The following AKR1C2 variants were observed in gnomAD, a reference collection of about 807,000 sequenced individuals.
The protein encoded by AKR1C2 is 3-alpha-HSD3.
AKR1C2 carries 27 observed loss-of-function variants against 39.8 expected under a neutral mutation model. That is an observed-to-expected ratio of 0.68 (90% CI 0.50 to 0.93). The LOEUF is 0.93. AKR1C2 is among the 40% of genes least tolerant of loss of function. The pLI is 0.00. For synonymous variants in AKR1C2, 114 were observed against 137.9 expected (o/e 0.83, Z 1.22); for missense variants, 263 against 365.1 (o/e 0.72, Z 2.28).
chr10:4,991,256 A>AT (rs1836832404), intron 8 of AKR1C2, among the ~76,000 whole-genome samples: 1 of 151,576 alleles, frequency 6.6e-6, no homozygotes, highest in Non-Finnish European at 1.5e-5. Context: ...ACTAAGACAG[A>AT]CTTTCTGGAG....
At chr10:5,005,801 A>G (rs72769993), upstream of AKR1C2, among the ~76,000 whole-genome samples, 1 of 152,250 alleles carries the variant, frequency 6.6e-6, no homozygotes, top group Non-Finnish European at 1.5e-5. Flanking sequence ...GTAGAGAAGC[A>G]TTTAAACAGC....
chr10:5,013,007 A>G (rs1216755567), intron 1 of AKR1C2, among the ~76,000 whole-genome samples: 12 of 152,184 alleles, frequency 7.9e-5, no homozygotes, highest in African/African-American at 2.9e-4. Context: ...CCTACACTTG[A>G]ATGAACCTCT....
chr10:4,988,595 G>A lies in AKR1C2; in HGVS notation c.*1401C>T, dbSNP rs1423963153. 1 of 152,136 alleles carries A rather than the reference G, an allele frequency of 6.6e-6. No individual in the cohort carries two copies. The highest frequency in any genetic ancestry group is 2.4e-5 in the African/African-American group (1 of 41,418). The allele number at this position is 152,136 out of a possible 1,614,324, so 9.4% of individuals were successfully genotyped here. ...AATAAGTAATTTACAGAAAAATTGT[G>A]AGCTGCAAAACTTGCTGGGATGCCT... is the stretch of plus-strand genomic sequence containing the variant. On this transcript the variant is annotated 3_prime_UTR_variant, in exon 9 of 9. Transcript: ENST00000380753.
At chr10:5,012,565 C>A (rs1837545271) in intron 1 of AKR1C2, among the ~76,000 whole-genome samples, 1 of 151,332 alleles carries the variant, frequency 6.6e-6, no homozygotes, top group Non-Finnish European at 1.5e-5. Flanking sequence ...GTGCCATGAG[C>A]CAAGGAACAC....
chr10:5,016,848 G>A (rs1837650946), intron 1 of AKR1C2, among the ~76,000 whole-genome samples: 1 of 152,186 alleles, frequency 6.6e-6, no homozygotes, highest in Admixed American at 6.5e-5. Flanking sequence ...CTGAAATCTA[G>A]GCAGAGGCCC....
rs1264996470 is a variant in AKR1C2 at position 4,988,551 on chromosome 10, G to A, written c.*1445C>T. On this transcript the variant is annotated 3_prime_UTR_variant, in exon 9 of 9. Coordinates refer to ENST00000380753, the MANE Select transcript of AKR1C2 (RefSeq NM_001393392.1). ...GGTCTAGGGCCCTCCAAAGTTTATGGCCTCTTCCAATTTTATAGAATAAGT... is the reference window on the plus strand; with the variant it reads ...GGTCTAGGGCCCTCCAAAGTTTATGACCTCTTCCAATTTTATAGAATAAGT... 2.0e-5 allele frequency: 3 copies of A among 152,146 alleles called. No homozygotes were observed. Among genetic ancestry groups the A allele is most frequent in the African/African-American group, 7.2e-5 (3 of 41,420 alleles). 9.4% of individuals were successfully genotyped at this position (152,146 alleles called of 1,614,324 possible).
intron 2 of AKR1C2, among the ~76,000 whole-genome samples, chr10:5,001,270 A>G (rs1476837224): frequency 1.3e-5 from 2 of 152,236 alleles, no homozygotes; most frequent in Non-Finnish European, 2.9e-5. Flanking sequence ...ATGTTAAACC[A>G]TATTGATCTG....
upstream of AKR1C2, chr10:5,006,460 G>A (rs1837404482): frequency 6.6e-6 from 1 of 152,106 alleles, no homozygotes; most frequent in Non-Finnish European, 1.5e-5. Context: ...AAAATTAGCT[G>A]GTCATGGGGG....
intron 5 of AKR1C2, among the ~76,000 whole-genome samples, chr10:4,997,062 G>A (rs1254300950): frequency 6.6e-6 from 1 of 152,116 alleles, no homozygotes; most frequent in Non-Finnish European, 1.5e-5. Flanking sequence ...CAACAGATCT[G>A]ACCACTGTTA....
intron 2 of AKR1C2, among the ~76,000 whole-genome samples, chr10:5,000,881 A>C (rs1312702505): frequency 6.6e-6 from 1 of 152,232 alleles, no homozygotes; most frequent in African/African-American, 2.4e-5. Context: ...TGAATGAAAG[A>C]GTGAAATTAC....
chr10:4,997,835 A>G (rs1406270120), intron 5 of AKR1C2, among the ~76,000 whole-genome samples: 5 of 152,226 alleles, frequency 3.3e-5, no homozygotes. Context: ...GGGGCAGTCA[A>G]TTTGATCAAG....
chr10:5,006,854 A>T (rs1837418117), upstream of AKR1C2, among the ~76,000 whole-genome samples: 1 of 151,008 alleles, frequency 6.6e-6, no homozygotes, highest in African/African-American at 2.4e-5. Context: ...AGCTCACTGC[A>T]ATCTCTTTCT....
intron 2 of AKR1C2, 47 bp from the exon 3 acceptor site, chr10:5,000,713 G>C (rs113896465): frequency 6.4e-7 from 1 of 1,550,984 alleles, no homozygotes; most frequent in East Asian, 2.3e-5. Flanking sequence ...ACTTGAGCCA[G>C]TTTTACTAGT....
intron 7 of AKR1C2, among the ~76,000 whole-genome samples, chr10:4,993,379 T>A (rs530243965): frequency 5.3e-5 from 8 of 152,152 alleles, no homozygotes. Context: ...AAATTCAAGT[T>A]ATGTGAGCAA....
chr10:4,991,523 A>G lies in AKR1C2; in HGVS notation c.929+308T>C, dbSNP rs145140974. ...CATGGGCCATATCCACAGTGTGTAC[A>G]CTAGACAGTAATACAAACGGCAGGC... is the stretch of plus-strand genomic sequence containing the variant. On this transcript the variant is annotated intron_variant, in intron 8 of 8. Transcript: ENST00000380753. 5.9e-5 allele frequency among the ~76,000 whole-genome samples: 9 copies of G among 152,358 alleles called. No individual in the cohort carries two copies. In the East Asian group the frequency reaches 1.7e-3, roughly 29 times the overall value.
rs1446832852 is a variant in AKR1C2, at chr10:4,988,056, G to T, written c.*1940C>A. ...TTATAAAAATGGATGGTGAAGAACT[G>T]GAAAAAGCCCACAGCAGCCGTACTA... On this transcript the variant is annotated 3_prime_UTR_variant, in exon 9 of 9. Transcript: ENST00000380753. The T allele has an allele frequency of 6.6e-6, 1 of 151,816 alleles. No homozygotes were observed. The highest frequency in any genetic ancestry group is 6.6e-5 in the Admixed American group (1 of 15,266). 9.4% of individuals were successfully genotyped at this position (151,816 alleles called of 1,614,324 possible).
intron 1 of AKR1C2, chr10:5,013,316 T>A (rs1441278052): frequency 2.0e-5 from 3 of 152,230 alleles, no homozygotes; most frequent in Non-Finnish European, 4.4e-5. Flanking sequence ...TTCTGAACAA[T>A]TACATTATTT....
chr10:4,993,083 G>A (rs1320721366), intron 7 of AKR1C2, among the ~76,000 whole-genome samples: 1 of 152,192 alleles, frequency 6.6e-6, no homozygotes, highest in Non-Finnish European at 1.5e-5. Flanking sequence ...CAAAGATTCA[G>A]TTCTCTCTGC....
intron 3 of AKR1C2, 97 bp downstream of exon 3, chr10:5,000,453 A>G (rs1321080301): frequency 3.7e-6 from 6 of 1,607,262 alleles, no homozygotes; most frequent in East Asian, 4.5e-5. Flanking sequence ...TAAAATCCCT[A>G]TGTCCTCCTA....
Sources: allele counts gnomAD v4.1 joint callset (sites outside exome capture counted in the v4.1 genomes callset), GRCh38; gene constraint gnomAD v4.1.1; transcripts MANE v1.5; gene names NCBI Gene and HGNC (gene_info 2026-07-23, HGNC 2026-07-21).